Variants in INPP5A observed in about 807,000 individuals in gnomAD.
INPP5A encodes the protein 43 kDa inositol polyphosphate 5-phophatase.
INPP5A carries 14 observed loss-of-function variants against 65.2 expected under a neutral mutation model. The observed-to-expected ratio is 0.21, with a 90% CI of 0.14 to 0.34. The LOEUF (loss-of-function observed/expected upper bound fraction) is 0.34, where lower values mean the gene tolerates loss of function less well. INPP5A is among the 10% of genes least tolerant of loss of function. The probability of loss-of-function intolerance (pLI) is 1.00; values close to 1 mark genes in which losing one functional copy is unlikely to be tolerated. For missense variants in INPP5A, 431 were observed against 545.6 expected, an observed-to-expected ratio of 0.79 and a Z score of 2.09; for synonymous variants, 207 against 208.3, an observed-to-expected ratio of 0.99 and a Z score of 0.05.
intron 4 of INPP5A, among the ~76,000 whole-genome samples, chr10:132,654,170 C>G (rs2072618889): frequency 6.6e-6 from 1 of 152,258 alleles, no homozygotes; most frequent in Non-Finnish European, 1.5e-5. Context: ...CTCAGGCCTG[C>G]TCTCGGGGAA....
At chr10:132,584,078 G>A (rs748764687) in intron 1 of INPP5A, among the ~76,000 whole-genome samples, 21 of 152,214 alleles carry the variant, frequency 1.4e-4, no homozygotes, top group Non-Finnish European at 2.2e-4. Flanking sequence ...GCAAGACTGC[G>A]TCTCCAGAAC....
intron 8 of INPP5A, among the ~76,000 whole-genome samples, chr10:132,724,341 A>C (rs551414678): frequency 6.6e-6 from 1 of 152,318 alleles, no homozygotes; most frequent in South Asian, 2.1e-4. Context: ...TCTACACCTT[A>C]ATTCCGGATG....
chr10:132,547,832 G>A lies in INPP5A; in HGVS notation c.75+9661G>A, dbSNP rs557378315. ...CCTTCCTGTCATACTGTGCTTTACC[G>A]TGACTGTGGCGTCACACTCAGGTGT... On this transcript the variant is annotated intron_variant, in intron 1 of 15. Transcript: ENST00000368594. The surrounding 1 kb of genome is among the most constrained non-coding windows in gnomAD (Gnocchi z 5.5). Among the ~76,000 whole-genome samples, 4 of 152,180 alleles carry A rather than the reference G, an allele frequency of 2.6e-5. No individual in the cohort carries two copies. In the South Asian group the frequency reaches 6.2e-4, roughly 24 times the overall value.
intron 5 of INPP5A, among the ~76,000 whole-genome samples, chr10:132,696,807 A>G (rs913699566): frequency 1.4e-4 from 22 of 151,994 alleles, no homozygotes; most frequent in African/African-American, 5.3e-4. Context: ...GGGCCAGGTC[A>G]GACCACAGCA....
chr10:132,751,834 G>A (rs1846485234), intron 11 of INPP5A, among the ~76,000 whole-genome samples: 3 of 150,740 alleles, frequency 2.0e-5, no homozygotes, highest in South Asian at 4.2e-4. Context: ...CCCAGGAAGT[G>A]CCTTCGTGGA....
intron 4 of INPP5A, among the ~76,000 whole-genome samples, chr10:132,656,845 A>T (rs2072663419): frequency 6.6e-6 from 1 of 152,194 alleles, no homozygotes; most frequent in Non-Finnish European, 1.5e-5. Flanking sequence ...CCTATGCAGC[A>T]GGGCTCCACA....
At chr10:132,734,119 C>T (rs551861227) in intron 9 of INPP5A, among the ~76,000 whole-genome samples, 197 of 152,340 alleles carry the variant, frequency 1.3e-3, no homozygotes, top group African/African-American at 4.5e-3. Flanking sequence ...CCACGCCACC[C>T]GCAGTGCCAT....
chr10:132,625,975 G>A (rs1008189446), intron 2 of INPP5A, among the ~76,000 whole-genome samples: 7 of 152,122 alleles, frequency 4.6e-5, no homozygotes, highest in African/African-American at 7.2e-5. Flanking sequence ...TTTGACAAAT[G>A]CGCACACCTG....
intron 1 of INPP5A, among the ~76,000 whole-genome samples, chr10:132,557,810 A>G (rs867347349): frequency 2.6e-5 from 4 of 152,174 alleles, no homozygotes; most frequent in African/African-American, 7.2e-5. Flanking sequence ...GGGGAGGGCC[A>G]TAGCCTAAAG....
At chr10:132,558,510 G>A (rs1350519516) in intron 1 of INPP5A, among the ~76,000 whole-genome samples, 3 of 152,216 alleles carry the variant, frequency 2.0e-5, no homozygotes, top group Admixed American at 6.5e-5. Context: ...CTCTGGGGGC[G>A]GGTGGTCCAT....
intron 4 of INPP5A, among the ~76,000 whole-genome samples, chr10:132,664,479 C>G (rs1422127849): frequency 6.6e-6 from 1 of 152,242 alleles, no homozygotes; most frequent in African/African-American, 2.4e-5. Context: ...GCTTCACTAC[C>G]TGATGTCCCA....
chr10:132,742,531 A>G (rs1590974763), intron 9 of INPP5A, among the ~76,000 whole-genome samples: 1 of 152,268 alleles, frequency 6.6e-6, no homozygotes, highest in South Asian at 2.1e-4. Flanking sequence ...AGGCGGTTGT[A>G]TCTAGTCCGG....
intron 1 of INPP5A, among the ~76,000 whole-genome samples, chr10:132,600,361 A>G (rs1446023442): frequency 6.6e-6 from 1 of 152,360 alleles, no homozygotes; most frequent in East Asian, 1.9e-4. Context: ...TCTCTTTGCT[A>G]AAACATAACA....
chr10:132,547,775 T>C lies in INPP5A; in HGVS notation c.75+9604T>C, dbSNP rs1051644095. ...GCGTGCCCCCAGCCCTGTGACGCGC[T>C]CTTGGTGACTCACCAAGTGAGTCCC... On this transcript the variant is annotated intron_variant, in intron 1 of 15. Transcript: ENST00000368594. The surrounding 1 kb of genome is among the most constrained non-coding windows in gnomAD (Gnocchi z 5.5). Among the ~76,000 whole-genome samples, 1 of 152,150 alleles carries C rather than the reference T, an allele frequency of 6.6e-6. No homozygotes were observed. The highest frequency in any genetic ancestry group is 2.4e-5 in the African/African-American group (1 of 41,432).
chr10:132,596,900 CCTGTGCAT>C (rs1324076012), intron 1 of INPP5A, among the ~76,000 whole-genome samples: 5 of 121,298 alleles, frequency 4.1e-5, no homozygotes, highest in African/African-American at 9.9e-5. Context: ...TTTGGAGGCT[CCTGTGCAT>C]GTGTGCATGT....
Position 132,678,608 on chromosome 10 carries a change from C to T in INPP5A, c.307-11784C>T, listed in dbSNP as rs1378313737. ...CGCCCAGAGGGTGTGGTGCCTCTCT[C>T]ATTGCCCAGGAGCCGTGGAATTCCT... On this transcript the variant is annotated intron_variant, in intron 4 of 15. Coordinates refer to ENST00000368594, the MANE Select transcript of INPP5A (RefSeq NM_005539.5). This position sits in a 1 kb window ranked among gnomAD's most constrained non-coding sequence, Gnocchi z 4.1. Among the ~76,000 whole-genome samples, 6 of 152,156 alleles carry T rather than the reference C, an allele frequency of 3.9e-5. No homozygotes were observed. Among genetic ancestry groups the T allele is most frequent in the Non-Finnish European group, 5.9e-5 (4 of 68,032 alleles).
intron 2 of INPP5A, among the ~76,000 whole-genome samples, chr10:132,629,028 G>T (rs1485614236): frequency 6.6e-6 from 1 of 152,306 alleles, no homozygotes; most frequent in South Asian, 2.1e-4. Context: ...AGCCGTGGCC[G>T]CACAGATGGC....
In INPP5A at chr10:132,616,600, G is replaced by A. The variant is rs1257934549; in HGVS notation, c.117+8644G>A. The stretch of plus-strand genomic sequence containing the variant: ...AGGGGATGGGGTGGTGACATGGGAT[G>A]TGGTTTTGGGGTTGCAGTGGTGACA... On this transcript the variant is annotated intron_variant, in intron 2 of 15. Coordinates refer to ENST00000368594, the MANE Select transcript of INPP5A (RefSeq NM_005539.5). The surrounding 1 kb of genome is among the most constrained non-coding windows in gnomAD (Gnocchi z 4.9). 1.3e-5 allele frequency among the ~76,000 whole-genome samples: 2 copies of A among 151,994 alleles called. No homozygotes were observed. The highest frequency in any genetic ancestry group is 1.3e-4 in the Admixed American group (2 of 15,262).
In INPP5A at chr10:132,568,321, G is replaced by A. The variant is rs760895172; in HGVS notation, c.75+30150G>A. On this transcript the variant is annotated intron_variant, in intron 1 of 15. Coordinates refer to ENST00000368594, the MANE Select transcript of INPP5A (RefSeq NM_005539.5). ...TCTGGAAGCCATTTCCATGTGTATCGATAGCGAAGTTTGTTTTAATATTTC... is the reference window on the plus strand; with the variant it reads ...TCTGGAAGCCATTTCCATGTGTATCAATAGCGAAGTTTGTTTTAATATTTC... Among the ~76,000 whole-genome samples the A allele has an allele frequency of 2.9e-4, 44 of 152,126 alleles. No individual in the cohort carries two copies. The Middle Eastern group carries it at 0.01, about 35-fold the overall frequency.
Sources: allele counts gnomAD v4.1 joint callset (sites outside exome capture counted in the v4.1 genomes callset), GRCh38; gene constraint gnomAD v4.1.1; non-coding constraint Gnocchi (gnomAD v3.1); transcripts MANE v1.5; gene names NCBI Gene and HGNC (gene_info 2026-07-23, HGNC 2026-07-21).